The following MAMDC2 variants were observed in gnomAD, a reference collection of about 807,000 sequenced individuals.
MAMDC2 encodes MAM domain-containing protein 2.
A neutral mutation model predicts 89.8 loss-of-function variants in MAMDC2; 57 were observed. That is an observed-to-expected ratio of 0.63 (90% CI 0.51 to 0.79). MAMDC2 has a LOEUF of 0.79. Ranked by LOEUF, MAMDC2 falls within the 30% of genes least tolerant of loss-of-function variation. The pLI is 0.00. For synonymous variants in MAMDC2, 313 were observed against 293.4 expected (o/e 1.07, Z -0.68); for missense variants, 800 against 820.6 (o/e 0.97, Z 0.31).
chr9:70,061,599 T>C (rs1827152571), intron 2 of MAMDC2, among the ~76,000 whole-genome samples: 1 of 152,188 alleles, frequency 6.6e-6, no homozygotes, highest in Non-Finnish European at 1.5e-5. Context: ...GGCATTCTCC[T>C]TGGGTGCAAA....
At chr9:70,044,765 A>T (rs1826704532) in intron 2 of MAMDC2, 68 bp downstream of exon 2, 10 of 1,119,744 alleles carry the variant, frequency 8.9e-6, no homozygotes, top group Non-Finnish European at 1.2e-5. Flanking sequence ...TTTTTTTCCC[A>T]CATGGGTAAT....
At chr9:70,086,222 C>T (rs954402178) in intron 2 of MAMDC2, 4 of 149,236 alleles carry the variant, frequency 2.7e-5, no homozygotes, top group Admixed American at 2.0e-4. Flanking sequence ...ATATATTTTA[C>T]TGTAATGATA....
intron 11 of MAMDC2, among the ~76,000 whole-genome samples, chr9:70,178,981 C>T (rs968760982): frequency 6.6e-6 from 1 of 152,114 alleles, no homozygotes; most frequent in African/African-American, 2.4e-5. Flanking sequence ...CCAGGATTAC[C>T]AACAAAGTGG....
Position 70,092,219 on chromosome 9 carries a change from C to T in MAMDC2, c.149-15992C>T, listed in dbSNP as rs1344716765. On this transcript the variant is annotated intron_variant, in intron 2 of 13. Transcript: ENST00000377182. ...GGAGAGTAAGCAGATAAGAAGAGTG[C>T]TTATCAAATCTGGCTTGACTATTAG... is the stretch of plus-strand genomic sequence containing the variant. 5 of 152,140 alleles carry T rather than the reference C, an allele frequency of 3.3e-5. No individual in the cohort carries two copies. In the East Asian group the frequency reaches 9.6e-4, roughly 29 times the overall value. 9.4% of individuals were successfully genotyped at this position (152,140 alleles called of 1,614,324 possible). A position where few individuals can be genotyped will look rare whatever the true frequency, so the allele number is the denominator to read the frequency against.
At chr9:70,178,101 A>G (rs2032553649) in intron 11 of MAMDC2, among the ~76,000 whole-genome samples, 1 of 152,216 alleles carries the variant, frequency 6.6e-6, no homozygotes, top group South Asian at 2.1e-4. Flanking sequence ...TAATGGTGTG[A>G]GCTCAATGTG....
chr9:70,173,217 A>G (rs992931804), intron 11 of MAMDC2, among the ~76,000 whole-genome samples: 10 of 152,150 alleles, frequency 6.6e-5, no homozygotes, highest in African/African-American at 2.4e-4. Flanking sequence ...AATCTAGCGG[A>G]AAGTGAAAAC....
intron 11 of MAMDC2, among the ~76,000 whole-genome samples, chr9:70,196,706 A>G (rs760949954): frequency 2.0e-5 from 3 of 152,114 alleles, no homozygotes; most frequent in Admixed American, 6.6e-5. Context: ...CTGGAAGAAG[A>G]TAAAACCTGC....
At chr9:70,176,178 A>C (rs2032494521) in intron 11 of MAMDC2, among the ~76,000 whole-genome samples, 1 of 152,166 alleles carries the variant, frequency 6.6e-6, no homozygotes, top group African/African-American at 2.4e-5. Flanking sequence ...TTATAGTCTG[A>C]GCTTGCTTGA....
At chr9:70,083,975 G>A (rs942361770) in intron 2 of MAMDC2, among the ~76,000 whole-genome samples, 9 of 152,088 alleles carry the variant, frequency 5.9e-5, no homozygotes, top group Admixed American at 5.9e-4. Context: ...GAGGGAGTTA[G>A]TTAGCCTCAA....
chr9:70,054,903 G>A (rs920787359), intron 2 of MAMDC2, among the ~76,000 whole-genome samples: 26 of 152,142 alleles, frequency 1.7e-4, no homozygotes, highest in Admixed American at 7.9e-4. Flanking sequence ...ATGTGCCCTG[G>A]AACTTACTCA....
intron 2 of MAMDC2, among the ~76,000 whole-genome samples, chr9:70,080,527 TA>T (rs1417674730): frequency 1.6e-4 from 24 of 152,254 alleles, no homozygotes; most frequent in Non-Finnish European, 8.8e-5. Flanking sequence ...TTTTATTTTT[TA>T]CCTTAAGGTC....
chr9:70,141,269 T>C (rs17453310), intron 8 of MAMDC2, among the ~76,000 whole-genome samples: 8,245 of 152,250 alleles, frequency 0.054, 246 homozygotes, highest in South Asian at 0.074. Flanking sequence ...TAGAGAACCA[T>C]TTGAATTCTG....
rs79310135 is a variant in MAMDC2, at chr9:70,188,315, A to T, written c.1651+17684A>T. Among the ~76,000 whole-genome samples, 1,104 of 152,304 alleles carry T rather than the reference A, an allele frequency of 7.2e-3. 3 individuals are homozygous for T. Among genetic ancestry groups the T allele is most frequent in the South Asian group, 0.017 (80 of 4,826 alleles). ...TTAACAATTACGATTTACAATTAAC[A>T]TAATTATTAATAAGGTAGAATTTAT... On this transcript the variant is annotated intron_variant, in intron 11 of 13. Transcript: ENST00000377182.
intron 9 of MAMDC2, among the ~76,000 whole-genome samples, chr9:70,155,017 G>T (rs146892554): frequency 1.3e-5 from 2 of 152,214 alleles, no homozygotes; most frequent in East Asian, 3.9e-4. Context: ...GGTCAGTGAT[G>T]TGGTTGCTTC....
At chr9:70,099,881 A>G (rs1434319453) in intron 2 of MAMDC2, among the ~76,000 whole-genome samples, 4 of 151,898 alleles carry the variant, frequency 2.6e-5, no homozygotes, top group Middle Eastern at 3.4e-3. Context: ...AGGCTGAGGC[A>G]GGAGAATCGC....
intron 7 of MAMDC2, among the ~76,000 whole-genome samples, chr9:70,133,868 G>A (rs2030902235): frequency 6.6e-6 from 1 of 152,200 alleles, no homozygotes; most frequent in Non-Finnish European, 1.5e-5. Context: ...GGGTCAGATT[G>A]CAACTAAAGA....
intron 7 of MAMDC2, among the ~76,000 whole-genome samples, chr9:70,135,205 T>C (rs1401759105): frequency 1.3e-5 from 2 of 152,214 alleles, no homozygotes; most frequent in Non-Finnish European, 2.9e-5. Context: ...TTCTTTTTTC[T>C]TTTTTTCTTG....
At chr9:70,103,401 T>C (rs4460447) in intron 2 of MAMDC2, among the ~76,000 whole-genome samples, 12,559 of 152,030 alleles carry the variant, frequency 0.083, 748 homozygotes, top group East Asian at 0.21. Context: ...CATAGATCAA[T>C]AGAATCGAAT....
intron 11 of MAMDC2, among the ~76,000 whole-genome samples, chr9:70,177,183 T>C (rs2032525134): frequency 6.6e-6 from 1 of 152,190 alleles, no homozygotes; most frequent in Non-Finnish European, 1.5e-5. Context: ...CTCTTTGCCA[T>C]ATCTAAACTG....
Sources: gnomAD v4.1 joint callset for allele counts (sites outside exome capture counted in the v4.1 genomes callset) on GRCh38, gnomAD v4.1.1 for gene constraint, MANE v1.5 for transcripts, NCBI Gene and HGNC (gene_info 2026-07-23, HGNC 2026-07-21) for gene names.